The following PRKAA2 variants were observed in gnomAD, a reference collection of about 807,000 sequenced individuals.
The protein encoded by PRKAA2 is 5'-AMP-activated protein kinase catalytic subunit alpha-2.
A neutral mutation model predicts 56.3 loss-of-function variants in PRKAA2; 40 were observed. The observed-to-expected ratio is 0.71, with a 90% CI of 0.55 to 0.92. The LOEUF is 0.92. PRKAA2 is among the 40% of genes least tolerant of loss of function. The probability of loss-of-function intolerance (pLI) is 0.00; values close to 1 mark genes in which losing one functional copy is unlikely to be tolerated. For synonymous variants in PRKAA2, 214 were observed against 234.2 expected, an observed-to-expected ratio of 0.91 and a Z score of 0.79; for missense variants, 542 against 686.9, an observed-to-expected ratio of 0.79 and a Z score of 2.36.
chr1:56,660,214 A>G (rs1194199711), intron 1 of PRKAA2, among the ~76,000 whole-genome samples: 3 of 152,216 alleles, frequency 2.0e-5, no homozygotes, highest in Non-Finnish European at 4.4e-5. Flanking sequence ...AATTCAAGGC[A>G]ATGCCTAGTA....
chr1:56,655,280 A>ATATATATATTTTTTTTTTT lies in PRKAA2; in HGVS notation c.94+9800_94+9801insATATATATTTTTTTTTTTT. Reference sequence around the variant, plus strand: ...TGTATTTATATATCTATATATATATATTTTTTTTTTTTTTTTGTAGAGACA... The same window carrying ATATATATATTTTTTTTTTT: ...TGTATTTATATATCTATATATATATATATATATATTTTTTTTTTTTTTTTTTTTTTTTTTTGTAGAGACA... On this transcript the variant is annotated intron_variant, in intron 1 of 8. Coordinates refer to ENST00000371244, the MANE Select transcript of PRKAA2 (RefSeq NM_006252.4). 4.0e-4 allele frequency among the ~76,000 whole-genome samples: 37 copies of ATATATATATTTTTTTTTTT among 93,630 alleles called. No homozygotes were observed. The East Asian group carries it at 9.9e-3, about 25-fold the overall frequency. 61.4% of individuals were successfully genotyped at this position (93,630 alleles called of 152,430 possible).
At chr1:56,654,790 T>A (rs1237569071) in intron 1 of PRKAA2, among the ~76,000 whole-genome samples, 2 of 152,160 alleles carry the variant, frequency 1.3e-5, no homozygotes, top group African/African-American at 2.4e-5. Flanking sequence ...CTTGCTTAAG[T>A]GGTGTCTTAT....
At chr1:56,700,678 C>T (rs1165462871) in intron 6 of PRKAA2, among the ~76,000 whole-genome samples, 1 of 152,064 alleles carries the variant, frequency 6.6e-6, no homozygotes, top group East Asian at 1.9e-4. Flanking sequence ...AGGCTGTTTG[C>T]AGGAGTAAGC....
rs1644363959 is a variant in PRKAA2 at position 56,710,685 on chromosome 1, C to A, written c.*2972C>A. 1 of 152,042 alleles carries A rather than the reference C, an allele frequency of 6.6e-6. No individual in the cohort carries two copies. Among genetic ancestry groups the A allele is most frequent in the South Asian group, 2.1e-4 (1 of 4,824 alleles). 9.4% of individuals were successfully genotyped at this position (152,042 alleles called of 1,614,324 possible). On this transcript the variant is annotated 3_prime_UTR_variant, in exon 9 of 9. Coordinates refer to ENST00000371244, the MANE Select transcript of PRKAA2 (RefSeq NM_006252.4). ...TAAATAGAATTTTCTGTGTCTGCAA[C>A]TTGTTTCATGACACCTTGGTTTTCT...
At chr1:56,676,624 A>C (rs1644114793) in intron 2 of PRKAA2, among the ~76,000 whole-genome samples, 3 of 152,220 alleles carry the variant, frequency 2.0e-5, no homozygotes, top group African/African-American at 7.2e-5. Flanking sequence ...TATGGCAGCA[A>C]TGGGAAACTA....
chr1:56,653,921 A>T (rs1643922575), intron 1 of PRKAA2, among the ~76,000 whole-genome samples: 1 of 152,062 alleles, frequency 6.6e-6, no homozygotes, highest in South Asian at 2.1e-4. Context: ...TGTATTCCAG[A>T]TCCCATGGTA....
rs980851571 is a variant in PRKAA2 at position 56,704,587 on chromosome 1, A to G, written c.1293+112A>G. On this transcript the variant is annotated intron_variant, in intron 7 of 8. Coordinates refer to ENST00000371244, the MANE Select transcript of PRKAA2 (RefSeq NM_006252.4). ...GCCCAACTTTTTCTAGTAATATGCT[A>G]TGCACATTAAAAACAAAACAAATAA... 23 of 1,229,296 alleles carry G rather than the reference A, an allele frequency of 1.9e-5. No individual in the cohort carries two copies. The African/African-American group carries it at 3.2e-4, about 17-fold the overall frequency. 76.1% of individuals were successfully genotyped at this position (1,229,296 alleles called of 1,614,324 possible). A position where few individuals can be genotyped will look rare whatever the true frequency, so the allele number is the denominator to read the frequency against.
chr1:56,653,754 C>T (rs902068140), intron 1 of PRKAA2, among the ~76,000 whole-genome samples: 2 of 152,130 alleles, frequency 1.3e-5, no homozygotes, highest in Admixed American at 6.6e-5. Context: ...TTCACTACCT[C>T]CTGTCTTGTT....
At chr1:56,645,773 C>G (rs1569690447) in intron 1 of PRKAA2, among the ~76,000 whole-genome samples, 1 of 152,220 alleles carries the variant, frequency 6.6e-6, no homozygotes, top group East Asian at 2.0e-4. Context: ...CAAGGCACTT[C>G]TGTGTTCTCT....
chr1:56,680,840 G>A (rs1374064448), intron 2 of PRKAA2, among the ~76,000 whole-genome samples: 1 of 152,192 alleles, frequency 6.6e-6, no homozygotes, highest in Non-Finnish European at 1.5e-5. Flanking sequence ...TGTCTTTATA[G>A]CATCATGATT....
intron 2 of PRKAA2, among the ~76,000 whole-genome samples, chr1:56,686,634 G>A (rs541561446): frequency 1.1e-4 from 16 of 152,220 alleles, no homozygotes; most frequent in Non-Finnish European, 2.1e-4. Context: ...GAAGGAGGAA[G>A]AGCCAGTCTC....
chr1:56,673,421 A>G (rs1241412066), intron 1 of PRKAA2, among the ~76,000 whole-genome samples: 2 of 152,148 alleles, frequency 1.3e-5, no homozygotes, highest in Non-Finnish European at 2.9e-5. Context: ...AATGACTTCC[A>G]TGTTCTCTAA....
chr1:56,663,633 G>A (rs1644012058), intron 1 of PRKAA2, among the ~76,000 whole-genome samples: 2 of 152,228 alleles, frequency 1.3e-5, no homozygotes, highest in Non-Finnish European at 2.9e-5. Flanking sequence ...TGAGTGGAAT[G>A]TTTGCTCAAC....
At chr1:56,664,497 T>TTA (rs1557546568) in intron 1 of PRKAA2, among the ~76,000 whole-genome samples, 1 of 152,144 alleles carries the variant, frequency 6.6e-6, no homozygotes, top group Non-Finnish European at 1.5e-5. Flanking sequence ...ATTTACTTGT[T>TTA]TATATTTAAT....
At chr1:56,706,043 A>C (rs201776036) in intron 7 of PRKAA2, 49 bp from the exon 8 acceptor site, 1 of 1,508,116 alleles carries the variant, frequency 6.6e-7, no homozygotes, top group Non-Finnish European at 9.0e-7. Context: ...TTTTGCATAA[A>C]AAGGTAGATA....
chr1:56,670,250 T>C (rs1367712407), intron 1 of PRKAA2, among the ~76,000 whole-genome samples: 2 of 152,238 alleles, frequency 1.3e-5, no homozygotes, highest in Admixed American at 1.3e-4. Context: ...AGATTCAGCT[T>C]TGAGTGACAG....
chr1:56,669,479 G>T (rs1333893382), intron 1 of PRKAA2, among the ~76,000 whole-genome samples: 1 of 151,874 alleles, frequency 6.6e-6, no homozygotes, highest in Non-Finnish European at 1.5e-5. Flanking sequence ...TGATTTTGGG[G>T]ACATGCTGCT....
intron 2 of PRKAA2, among the ~76,000 whole-genome samples, chr1:56,686,493 CCA>C (rs1195434340): frequency 2.0e-5 from 3 of 152,030 alleles, no homozygotes; most frequent in African/African-American, 7.3e-5. Flanking sequence ...TTTAATTGGC[CCA>C]CAGTTCTGCA....
At chr1:56,681,742 T>A (rs1364902713) in intron 2 of PRKAA2, among the ~76,000 whole-genome samples, 2 of 152,238 alleles carry the variant, frequency 1.3e-5, no homozygotes, top group Non-Finnish European at 2.9e-5. Flanking sequence ...AGTACCATGC[T>A]GTTTTGGTTA....
Sources: gnomAD v4.1 joint callset for allele counts (sites outside exome capture counted in the v4.1 genomes callset) on GRCh38, gnomAD v4.1.1 for gene constraint, MANE v1.5 for transcripts, NCBI Gene and HGNC (gene_info 2026-07-23, HGNC 2026-07-21) for gene names.